The following ASTN1 variants were observed in gnomAD, a reference collection of about 807,000 sequenced individuals.
The protein encoded by ASTN1 is astrotactin 1.
ASTN1 carries 41 observed loss-of-function variants against 140.7 expected under a neutral mutation model. That is an observed-to-expected ratio of 0.29 (90% CI 0.23 to 0.38). ASTN1 has a LOEUF of 0.38. Among genes scored for constraint, ASTN1 ranks in the 10% least tolerant of loss-of-function variants. The pLI is 1.00. For missense variants in ASTN1, 1,479 were observed against 1,678.8 expected (o/e 0.88, Z 2.08); for synonymous variants, 640 against 652.2 (o/e 0.98, Z 0.29).
At chr1:176,885,412 T>G (rs1015280005) in intron 18 of ASTN1, among the ~76,000 whole-genome samples, 8 of 152,246 alleles carry the variant, frequency 5.3e-5, no homozygotes, top group African/African-American at 1.9e-4. Context: ...AGCCACCTTC[T>G]GATTTCTTGT....
intron 22 of ASTN1, among the ~76,000 whole-genome samples, chr1:176,865,549 A>C (rs899207393): frequency 1.3e-5 from 2 of 152,234 alleles, no homozygotes; most frequent in Non-Finnish European, 2.9e-5. Context: ...CCAGAGACCC[A>C]TGAAGGAAGA....
intron 8 of ASTN1, among the ~76,000 whole-genome samples, chr1:176,990,158 T>G (rs1298717993): frequency 7.5e-6 from 1 of 133,376 alleles, no homozygotes; most frequent in African/African-American, 2.9e-5. Context: ...TGAGATGATC[T>G]GAACCAAGGA....
chr1:176,900,446 G>T (rs1012593097), intron 16 of ASTN1, among the ~76,000 whole-genome samples: 1 of 152,072 alleles, frequency 6.6e-6, no homozygotes, highest in Non-Finnish European at 1.5e-5. Context: ...TTCCTTGCTG[G>T]TGTGTTTCTC....
intron 1 of ASTN1, among the ~76,000 whole-genome samples, chr1:177,114,518 T>C (rs564241128): frequency 6.6e-6 from 1 of 152,248 alleles, no homozygotes; most frequent in African/African-American, 2.4e-5. Flanking sequence ...TTATACCATG[T>C]ATCCTTTACC....
At chr1:176,914,509 AGCATTAATTTACATAAATAG>A (rs2103064690) in intron 16 of ASTN1, among the ~76,000 whole-genome samples, 1 of 152,324 alleles carries the variant, frequency 6.6e-6, no homozygotes, top group East Asian at 1.9e-4. Flanking sequence ...ATAAAGAATA[AGCATTAATTTACATAAATAG>A]GCTAGGGTCA....
At chr1:176,891,297 T>A (rs920210029) in intron 17 of ASTN1, among the ~76,000 whole-genome samples, 17 of 152,058 alleles carry the variant, frequency 1.1e-4, no homozygotes, top group African/African-American at 3.9e-4. Context: ...CTAAGGAGAG[T>A]GGTTGAACTT....
At chr1:177,132,325 T>C (rs987561677) in intron 1 of ASTN1, among the ~76,000 whole-genome samples, 9 of 152,210 alleles carry the variant, frequency 5.9e-5, no homozygotes, top group Non-Finnish European at 1.2e-4. Flanking sequence ...CCAGTTACTA[T>C]CTTCAATTTG....
chr1:176,869,439 A>T (rs1668253177), intron 21 of ASTN1, among the ~76,000 whole-genome samples: 1 of 152,200 alleles, frequency 6.6e-6, no homozygotes, highest in African/African-American at 2.4e-5. Context: ...CAGGTTTTCT[A>T]AAAAGACCTA....
intron 1 of ASTN1, among the ~76,000 whole-genome samples, chr1:177,149,052 T>C (rs1452007823): frequency 7.1e-6 from 1 of 141,112 alleles, no homozygotes; most frequent in Non-Finnish European, 1.5e-5. Flanking sequence ...AATATATATA[T>C]AGCAAATATA....
At chr1:176,886,174 T>C (rs2103030019) in intron 18 of ASTN1, among the ~76,000 whole-genome samples, 1 of 152,338 alleles carries the variant, frequency 6.6e-6, no homozygotes. Context: ...AACTAAAGTA[T>C]ATTTTCGTTT....
intron 11 of ASTN1, among the ~76,000 whole-genome samples, chr1:176,950,472 T>C (rs372576213): frequency 6.6e-6 from 1 of 152,174 alleles, no homozygotes. Context: ...GCACTATGCT[T>C]AAGTACTTTA....
chr1:177,053,260 G>A (rs1053454053), intron 2 of ASTN1, among the ~76,000 whole-genome samples: 2 of 152,200 alleles, frequency 1.3e-5, no homozygotes, highest in African/African-American at 2.4e-5. Context: ...TTGCTGAACA[G>A]AATATTACAT....
chr1:176,888,862 T>C (rs1402140078), intron 17 of ASTN1, among the ~76,000 whole-genome samples: 3 of 152,202 alleles, frequency 2.0e-5, no homozygotes, highest in Admixed American at 1.3e-4. Flanking sequence ...GCAAGTTACA[T>C]AAGCTCAGTT....
chr1:177,050,588 G>A (rs11579303), intron 2 of ASTN1, among the ~76,000 whole-genome samples: 3,609 of 152,242 alleles, frequency 0.024, 61 homozygotes, highest in African/African-American at 0.033. Flanking sequence ...ATTATAGAGA[G>A]AGACCCCTTG....
intron 8 of ASTN1, among the ~76,000 whole-genome samples, chr1:177,012,062 G>A (rs1421405877): frequency 6.6e-6 from 1 of 152,164 alleles, no homozygotes; most frequent in Non-Finnish European, 1.5e-5. Flanking sequence ...ATTCACACAT[G>A]GGCTGCTTAC....
intron 17 of ASTN1, among the ~76,000 whole-genome samples, chr1:176,894,195 C>G (rs1039350063): frequency 2.0e-5 from 3 of 152,082 alleles, no homozygotes; most frequent in African/African-American, 7.2e-5. Flanking sequence ...ACCTCCCAAG[C>G]CAACCAGAGT....
At chr1:176,980,809 G>A (rs1322335114) in intron 8 of ASTN1, among the ~76,000 whole-genome samples, 2 of 152,116 alleles carry the variant, frequency 1.3e-5, no homozygotes, top group African/African-American at 2.4e-5. Context: ...TGAAGATATT[G>A]AAAAACTGAG....
intron 8 of ASTN1, among the ~76,000 whole-genome samples, chr1:176,969,404 T>A (rs908577822): frequency 4.6e-5 from 7 of 152,198 alleles, no homozygotes; most frequent in African/African-American, 1.7e-4. Flanking sequence ...GTGGGAGAAC[T>A]GCCTGACATA....
At chr1:176,924,811 G>T (rs1295498797) in intron 16 of ASTN1, among the ~76,000 whole-genome samples, 1 of 152,152 alleles carries the variant, frequency 6.6e-6, no homozygotes, top group African/African-American at 2.4e-5. Flanking sequence ...TATGAAAGGA[G>T]CTTTCATCAG....
Sources: allele counts gnomAD v4.1 joint callset (sites outside exome capture counted in the v4.1 genomes callset), GRCh38; gene constraint gnomAD v4.1.1; transcripts MANE v1.5; gene names NCBI Gene and HGNC (gene_info 2026-07-23, HGNC 2026-07-21).